DST: variants seen among roughly 807,000 people sequenced by gnomAD.
The protein encoded by DST is bullous pemphigoid antigen.
A neutral mutation model predicts 875.2 loss-of-function variants in DST; 253 were observed. The observed-to-expected ratio is 0.29, with a 90% confidence interval of 0.26 to 0.32. The LOEUF is 0.32. DST is among the 10% of genes least tolerant of loss of function. The probability of loss-of-function intolerance (pLI) is 1.00; values close to 1 mark genes in which losing one functional copy is unlikely to be tolerated. For synonymous variants in DST, 3,124 were observed against 3,197.1 expected (o/e 0.98, Z 0.77); for missense variants, 8,287 against 9,111.6 (o/e 0.91, Z 3.68).
intron 88 of DST, among the ~76,000 whole-genome samples, 184 bp from the exon 89 acceptor site, chr6:56,483,061 T>A (rs2095449541): frequency 6.6e-6 from 1 of 152,160 alleles, no homozygotes; most frequent in Non-Finnish European, 1.5e-5. Context: ...TTGAGCACCA[T>A]CAAGAAGAGT....
At chr6:56,946,326 G>A (rs2817573) in intron 2 of DST, among the ~76,000 whole-genome samples, 132,257 of 152,250 alleles carry the variant, frequency 0.87, 57,629 homozygotes, top group East Asian at 1. Context: ...AGTGTGAGTG[G>A]TTCTAAATAG....
chr6:56,535,553 A>T (rs2096979835), intron 62 of DST, among the ~76,000 whole-genome samples: 1 of 152,190 alleles, frequency 6.6e-6, no homozygotes, highest in Non-Finnish European at 1.5e-5. Flanking sequence ...GGATTGTCTA[A>T]TACGTTTTAT....
chr6:56,629,835 AAT>A (rs2098763230), intron 31 of DST, among the ~76,000 whole-genome samples: 1 of 152,248 alleles, frequency 6.6e-6, no homozygotes, highest in Admixed American at 6.5e-5. Flanking sequence ...ATTGCTTTGC[AAT>A]AGTTTCACCA....
intron 13 of DST, among the ~76,000 whole-genome samples, 156 bp downstream of exon 13, chr6:56,648,414 T>C (rs1041943303): frequency 1.3e-5 from 2 of 152,220 alleles, no homozygotes; most frequent in African/African-American, 2.4e-5. Flanking sequence ...ATTTTCTCTG[T>C]ATAATAAGAG....
At position 56,605,583 on chromosome 6, in the gene DST, T is replaced by C. The variant is rs749786075; in HGVS notation, c.9045A>G (p.Ser3015=). Residue 3015 remains serine, a synonymous_variant, in exon 40 of 104, where the codon TCA becomes TCG. Coordinates refer to ENST00000680361, the MANE Select transcript of DST (RefSeq NM_001374736.1). ...CTTTGTCAGTTACAGAGGCTATCAA[T>C]GACAAATGGCTTTCCTCAGCAGGTT... ...IGKPAEESHL[S]LIASVTDKDP... 8 of 1,613,184 alleles carry C rather than the reference T, an allele frequency of 5.0e-6. No homozygotes were observed. The highest frequency in any genetic ancestry group is 1.7e-5 in the Admixed American group (1 of 59,962).
intron 2 of DST, among the ~76,000 whole-genome samples, chr6:56,947,796 C>T (rs1421599420): frequency 6.6e-6 from 1 of 152,168 alleles, no homozygotes; most frequent in Non-Finnish European, 1.5e-5. Flanking sequence ...TATCCTCATG[C>T]CCTTATACCA....
chr6:56,769,142 AACAG>A (rs1319673826), intron 4 of DST, among the ~76,000 whole-genome samples: 8 of 152,224 alleles, frequency 5.3e-5, no homozygotes, highest in Non-Finnish European at 7.3e-5. Flanking sequence ...AAAATATCTG[AACAG>A]ACAGTTTACT....
chr6:56,733,756 GA>G (rs145787604), intron 5 of DST, among the ~76,000 whole-genome samples: 4 of 143,582 alleles, frequency 2.8e-5, no homozygotes, highest in East Asian at 2.0e-4. Context: ...TTACAAAAAT[GA>G]AAAAAAAAAG....
At chr6:56,656,233 G>A (rs181632252) in intron 10 of DST, among the ~76,000 whole-genome samples, 2 of 152,336 alleles carry the variant, frequency 1.3e-5, no homozygotes, top group Non-Finnish European at 2.9e-5. Context: ...CCCTTTCGAG[G>A]TTTCCTAAAG....
At chr6:56,509,926 T>G in intron 73 of DST, 53 bp from the exon 74 acceptor site, 1 of 1,342,074 alleles carries the variant, frequency 7.5e-7, no homozygotes, top group Non-Finnish European at 1.0e-6. Context: ...TAATACCAAG[T>G]GTGAAATTTA....
intron 3 of DST, among the ~76,000 whole-genome samples, chr6:56,873,930 C>A (rs1370904968): frequency 6.6e-6 from 1 of 152,164 alleles, no homozygotes; most frequent in Non-Finnish European, 1.5e-5. Flanking sequence ...CTGACCATTA[C>A]ACACTATGCT....
At chr6:56,490,456 G>T (rs964886523) in intron 85 of DST, among the ~76,000 whole-genome samples, 1 of 152,072 alleles carries the variant, frequency 6.6e-6, no homozygotes, top group Non-Finnish European at 1.5e-5. Flanking sequence ...TAAATCTATT[G>T]TATACCAAAG....
Position 56,607,302 on chromosome 6 carries a change from A to G in DST, c.7326T>C (p.Asp2442=), listed in dbSNP as rs2098506928. The G allele has an allele frequency of 6.2e-7, 1 of 1,613,428 alleles. No homozygotes were observed. Among genetic ancestry groups the G allele is most frequent in the Non-Finnish European group, 8.5e-7 (1 of 1,179,676 alleles). Residue 2442 remains aspartate, a synonymous_variant, in exon 40 of 104, where the codon GAT becomes GAC. Transcript: ENST00000680361. ...SPRLSALLSH[D]KLMHSQGSFN... ...AACTTCCCTGACTGTGCATCAATTTATCATGACTTAACAAGGCACTTAGCC... is the reference window on the plus strand; with the variant it reads ...AACTTCCCTGACTGTGCATCAATTTGTCATGACTTAACAAGGCACTTAGCC...
intron 17 of DST, among the ~76,000 whole-genome samples, chr6:56,640,864 G>A (rs968846646): frequency 6.6e-6 from 1 of 151,968 alleles, no homozygotes; most frequent in African/African-American, 2.4e-5. Flanking sequence ...AGCAAAATGA[G>A]GAGGCAATTG....
At chr6:56,478,231 C>A (rs780586806) in intron 90 of DST, among the ~76,000 whole-genome samples, 1 of 151,988 alleles carries the variant, frequency 6.6e-6, no homozygotes, top group African/African-American at 2.4e-5. Context: ...GGAAATATGG[C>A]AGCATGAATA....
At chr6:56,647,500 G>GT (rs1190010641) in intron 13 of DST, among the ~76,000 whole-genome samples, 6 of 152,100 alleles carry the variant, frequency 3.9e-5, no homozygotes, top group Non-Finnish European at 1.5e-5. Context: ...GGTTATTACA[G>GT]TTTTTTCTAT....
At chr6:56,791,787 CAAA>C (rs139051174) in intron 4 of DST, among the ~76,000 whole-genome samples, 17 of 78,074 alleles carry the variant, frequency 2.2e-4, no homozygotes, top group Admixed American at 6.1e-4. Flanking sequence ...GACCCTGTCT[CAAA>C]AAAAAAAAAA....
chr6:56,834,552 G>A (rs111894052), intron 4 of DST, among the ~76,000 whole-genome samples: 1,950 of 152,108 alleles, frequency 0.013, 25 homozygotes, highest in Middle Eastern at 0.054. Context: ...AGCCAAGATC[G>A]TGCCTCTGCA....
At chr6:56,598,258 A>C (rs2098410856) in intron 46 of DST, among the ~76,000 whole-genome samples, 1 of 152,204 alleles carries the variant, frequency 6.6e-6, no homozygotes, top group African/African-American at 2.4e-5. Flanking sequence ...CACAAGAAGA[A>C]AGTTTCACAA....
Sources: gnomAD v4.1 joint callset for allele counts (sites outside exome capture counted in the v4.1 genomes callset) on GRCh38, gnomAD v4.1.1 for gene constraint, MANE v1.5 for transcripts, NCBI Gene and HGNC (gene_info 2026-07-23, HGNC 2026-07-21) for gene names.